The following GUCY1A1 variants were observed in gnomAD, a reference collection of about 807,000 sequenced individuals.
GUCY1A1 encodes guanylate cyclase soluble subunit alpha-1.
In GUCY1A1, 48 loss-of-function variants were observed where a neutral mutation model predicts 64.5. The observed-to-expected ratio is 0.74, with a 90% CI of 0.59 to 0.95. The LOEUF is 0.95. Ranked by LOEUF, GUCY1A1 falls within the 40% of genes least tolerant of loss-of-function variation. The pLI is 0.00. For synonymous variants in GUCY1A1, 308 were observed against 303.4 expected, an observed-to-expected ratio of 1.02 and a Z score of -0.16; for missense variants, 804 against 825.3, an observed-to-expected ratio of 0.97 and a Z score of 0.32.
At chr4:155,691,841 A>G (rs1207824778) in intron 2 of GUCY1A1, among the ~76,000 whole-genome samples, 1 of 152,190 alleles carries the variant, frequency 6.6e-6, no homozygotes, top group Admixed American at 6.5e-5. Context: ...AGTTTGTTAC[A>G]TAAGTAAACT....
intron 9 of GUCY1A1, among the ~76,000 whole-genome samples, chr4:155,723,882 C>T (rs1734309219): frequency 1.3e-5 from 2 of 151,942 alleles, no homozygotes; most frequent in Non-Finnish European, 2.9e-5. Context: ...AGGCTGGTCT[C>T]GAACTCCTGA....
intron 4 of GUCY1A1, among the ~76,000 whole-genome samples, chr4:155,704,385 C>G (rs1481696457): frequency 6.6e-6 from 1 of 152,150 alleles, no homozygotes; most frequent in Non-Finnish European, 1.5e-5. Context: ...TCATGGATCC[C>G]AAACAATCAA....
chr4:155,679,186 G>GGTT (rs1553993877), intron 2 of GUCY1A1, among the ~76,000 whole-genome samples: 72 of 68,656 alleles, frequency 1.0e-3, no homozygotes, highest in Non-Finnish European at 1.0e-3. Context: ...AATATTTCAT[G>GGTT]TTTTTTTTTT....
At chr4:155,689,793 G>T (rs1013491512) in intron 2 of GUCY1A1, among the ~76,000 whole-genome samples, 1 of 152,152 alleles carries the variant, frequency 6.6e-6, no homozygotes, top group Admixed American at 6.5e-5. Context: ...CGGCGAGTCG[G>T]GGGGCAGGGG....
intron 8 of GUCY1A1, among the ~76,000 whole-genome samples, chr4:155,720,749 A>G (rs992395224): frequency 6.6e-6 from 1 of 152,192 alleles, no homozygotes; most frequent in African/African-American, 2.4e-5. Context: ...TTTCTAAATT[A>G]TATCCAAGTT....
rs1024888315 is a variant in GUCY1A1 at position 155,731,600 on chromosome 4, T to A, written c.*1369T>A. 6.6e-6 allele frequency: 1 copy of A among 151,854 alleles called. No homozygotes were observed. The highest frequency in any genetic ancestry group is 2.4e-5 in the African/African-American group (1 of 41,412). The allele number at this position is 151,854 out of a possible 1,614,324, so 9.4% of individuals were successfully genotyped here. A position where few individuals can be genotyped will look rare whatever the true frequency, so the allele number is the denominator to read the frequency against. The stretch of plus-strand genomic sequence containing the variant: ...AAGTTCTCTGGTGAACTAAAAAATC[T>A]ACATTTTGGTTGGGGATAAAGATTT... On this transcript the variant is annotated 3_prime_UTR_variant, in exon 10 of 10. Coordinates refer to ENST00000506455, the MANE Select transcript of GUCY1A1 (RefSeq NM_001130682.3).
chr4:155,710,925 T>A lies in GUCY1A1; in HGVS notation c.760T>A (p.Leu254Met), dbSNP rs148934637. ...CGAGTTTGTGAATCAGCCCTACTTGTTGTACTCCGTTCACATGAAAAGCAC... is the reference window on the plus strand; with the variant it reads ...CGAGTTTGTGAATCAGCCCTACTTGATGTACTCCGTTCACATGAAAAGCAC... ...CSEFVNQPYL[L>M]YSVHMKSTKP... The change falls in exon 6 of 10, where the codon TTG (leucine) becomes ATG (methionine). Residue 254 changes from leucine (L) to methionine (M), a missense_variant. Coordinates refer to ENST00000506455, the MANE Select transcript of GUCY1A1 (RefSeq NM_001130682.3). 2.5e-6 allele frequency: 4 copies of A among 1,614,108 alleles called. No homozygotes were observed. The highest frequency in any genetic ancestry group is 3.4e-6 in the Non-Finnish European group (4 of 1,179,952).
In GUCY1A1 at chr4:155,714,553, A is replaced by G. The variant is rs114821640; in HGVS notation, c.1572+970A>G. ...TAAATTACTTTGCTTTCTTTTAGAC[A>G]TTGGCACTAAGAATAAAGCGTATTT... On this transcript the variant is annotated intron_variant, in intron 7 of 9. Coordinates refer to ENST00000506455, the MANE Select transcript of GUCY1A1 (RefSeq NM_001130682.3). Among the ~76,000 whole-genome samples the G allele has an allele frequency of 2.9e-3, 449 of 152,336 alleles. 2 individuals are homozygous for G. Among genetic ancestry groups the G allele is most frequent in the African/African-American group, 0.01 (429 of 41,582 alleles).
chr4:155,680,899 G>C (rs1423955419), intron 2 of GUCY1A1, among the ~76,000 whole-genome samples: 2 of 150,360 alleles, frequency 1.3e-5, no homozygotes, highest in African/African-American at 4.9e-5. Context: ...GTTTGAATCT[G>C]TGTTGTTCAA....
At chr4:155,722,721 G>T (rs1294379052) in intron 9 of GUCY1A1, among the ~76,000 whole-genome samples, 1 of 152,114 alleles carries the variant, frequency 6.6e-6, no homozygotes. Context: ...AATACTTAGG[G>T]AATTGCTATA....
intron 2 of GUCY1A1, among the ~76,000 whole-genome samples, chr4:155,681,617 G>A (rs181535989): frequency 4.6e-5 from 7 of 151,854 alleles, no homozygotes; most frequent in Non-Finnish European, 7.4e-5. Context: ...ACTTCTTTTC[G>A]AACACGTGTC....
chr4:155,708,816 T>G (rs1732152220), intron 5 of GUCY1A1, among the ~76,000 whole-genome samples: 1 of 152,126 alleles, frequency 6.6e-6, no homozygotes, highest in Admixed American at 6.5e-5. Flanking sequence ...TAACGTATAT[T>G]GAGGCCCCCC....
chr4:155,716,375 C>G (rs1354474379), intron 7 of GUCY1A1, among the ~76,000 whole-genome samples: 3 of 152,026 alleles, frequency 2.0e-5, no homozygotes, highest in East Asian at 3.9e-4. Flanking sequence ...AAATGAAGCT[C>G]TTAGAATTAG....
chr4:155,675,662 T>A (rs1402938864), intron 2 of GUCY1A1, among the ~76,000 whole-genome samples: 2 of 151,672 alleles, frequency 1.3e-5, no homozygotes, highest in Non-Finnish European at 2.9e-5. Context: ...TGGCTCAGAA[T>A]AATTCATAAG....
At chr4:155,675,849 A>T (rs543311171) in intron 2 of GUCY1A1, among the ~76,000 whole-genome samples, 1 of 151,558 alleles carries the variant, frequency 6.6e-6, no homozygotes, top group African/African-American at 2.4e-5. Context: ...CTTAACCTAG[A>T]CTGGTTACCA....
At chr4:155,728,720 G>C (rs1735097765) in intron 9 of GUCY1A1, among the ~76,000 whole-genome samples, 1 of 151,782 alleles carries the variant, frequency 6.6e-6, no homozygotes. Context: ...GATAGGTGTG[G>C]TGTGATTTCT....
chr4:155,680,780 C>G (rs1170504189), intron 2 of GUCY1A1, among the ~76,000 whole-genome samples: 1 of 152,106 alleles, frequency 6.6e-6, no homozygotes, highest in Non-Finnish European at 1.5e-5. Context: ...TCTTCACCCT[C>G]GTTGTCTTCA....
chr4:155,684,067 CT>C (rs1375100679), intron 2 of GUCY1A1, among the ~76,000 whole-genome samples: 2 of 152,174 alleles, frequency 1.3e-5, no homozygotes, highest in Non-Finnish European at 2.9e-5. Flanking sequence ...TCTTCCAGTT[CT>C]AAACTCCTAT....
chr4:155,697,553 T>A (rs900683519), intron 3 of GUCY1A1, among the ~76,000 whole-genome samples: 4 of 152,200 alleles, frequency 2.6e-5, no homozygotes. Context: ...AAGAATAACT[T>A]ATTTTCTGCT....
Sources: gnomAD v4.1 joint callset for allele counts (sites outside exome capture counted in the v4.1 genomes callset) on GRCh38, gnomAD v4.1.1 for gene constraint, MANE v1.5 for transcripts, NCBI Gene and HGNC (gene_info 2026-07-23, HGNC 2026-07-21) for gene names.